GLDC: variants seen among roughly 807,000 people sequenced by gnomAD.
The protein encoded by GLDC is glycine decarboxylase.
In GLDC, 104 loss-of-function variants were observed where a neutral mutation model predicts 121.3. That is an observed-to-expected ratio of 0.86 (90% confidence interval 0.73 to 1.01). GLDC has a LOEUF of 1.01. Ranked by LOEUF, GLDC falls within the 50% of genes least tolerant of loss-of-function variation. The pLI is 0.00. For synonymous variants in GLDC, 546 were observed against 480.6 expected (o/e 1.14, Z -1.78); for missense variants, 1,429 against 1,306.6 (o/e 1.09, Z -1.44).
Position 6,610,183 on chromosome 9 carries a change from G to C in GLDC, c.635+9C>G. ...AACTGGAATTCCAGCACTTTGAGAG[G>C]CCTCTCACCTGTAGCACAGCTGCAG... On this transcript the variant is annotated intron_variant, in intron 4 of 24. Coordinates refer to ENST00000321612, the MANE Select transcript of GLDC (RefSeq NM_000170.3). 1 of 1,603,668 alleles carries C rather than the reference G, an allele frequency of 6.2e-7. No individual in the cohort carries two copies. Among genetic ancestry groups the C allele is most frequent in the Non-Finnish European group, 8.5e-7 (1 of 1,174,294 alleles).
At chr9:6,606,902 G>A (rs147051175) in intron 4 of GLDC, among the ~76,000 whole-genome samples, 6 of 151,500 alleles carry the variant, frequency 4.0e-5, no homozygotes, top group African/African-American at 9.7e-5. Context: ...ATAAAACCTC[G>A]TCTCTACTAA....
chr9:6,564,207 C>G (rs1817811333), intron 16 of GLDC, among the ~76,000 whole-genome samples: 1 of 150,312 alleles, frequency 6.7e-6, no homozygotes, highest in Non-Finnish European at 1.5e-5. Flanking sequence ...GAGATTGGGC[C>G]ATTGCACTCC....
chr9:6,588,295 C>G, intron 14 of GLDC, 106 bp downstream of exon 14: 3 of 830,854 alleles, frequency 3.6e-6, no homozygotes, highest in Non-Finnish European at 6.5e-6. Context: ...AATAGTTCTT[C>G]AATCACAGAA....
intron 8 of GLDC, among the ~76,000 whole-genome samples, chr9:6,597,880 A>G (rs1423243555): frequency 1.3e-5 from 2 of 152,036 alleles, no homozygotes; most frequent in Non-Finnish European, 2.9e-5. Flanking sequence ...AGCTTCAGTG[A>G]GCGAGATGGC....
At chr9:6,644,029 C>CAAAAAAAAAAAAAAAAAAAAAAAAAAA (rs531081758) in intron 2 of GLDC, among the ~76,000 whole-genome samples, 3 of 18,334 alleles carry the variant, frequency 1.6e-4, no homozygotes, top group Non-Finnish European at 3.0e-4. Flanking sequence ...GATTCTGTCT[C>CAAAAAAAAAAAAAAAAAAAAAAAAAAA]AAAAAAAAAA....
chr9:6,570,183 C>A (rs1418443640), intron 15 of GLDC, among the ~76,000 whole-genome samples: 1 of 152,188 alleles, frequency 6.6e-6, no homozygotes, highest in Non-Finnish European at 1.5e-5. Context: ...GTCACCAAAA[C>A]TCCCACTGAA....
chr9:6,632,877 G>C (rs1819416919), intron 2 of GLDC, among the ~76,000 whole-genome samples: 1 of 152,122 alleles, frequency 6.6e-6, no homozygotes, highest in Non-Finnish European at 1.5e-5. Flanking sequence ...GTGGGGTGGA[G>C]GACACTCAAA....
chr9:6,555,317 C>CA (rs766418897), intron 18 of GLDC, among the ~76,000 whole-genome samples: 7 of 152,200 alleles, frequency 4.6e-5, no homozygotes, highest in Non-Finnish European at 8.8e-5. Flanking sequence ...AGATACCAGG[C>CA]ATGCCATCCC....
intron 15 of GLDC, among the ~76,000 whole-genome samples, chr9:6,578,172 G>T (rs1563844852): frequency 6.6e-6 from 1 of 152,008 alleles, no homozygotes; most frequent in Non-Finnish European, 1.5e-5. Flanking sequence ...ACAGGCTGGG[G>T]TGCAATGGTG....
intron 1 of GLDC, 56 bp downstream of exon 1, chr9:6,645,189 G>A (rs944997559): frequency 1.3e-5 from 20 of 1,498,390 alleles, no homozygotes; most frequent in Admixed American, 2.1e-5. Flanking sequence ...GGCCGCGCAG[G>A]CAGAGCCCGG....
chr9:6,617,274 C>T (rs1194329988), intron 3 of GLDC, among the ~76,000 whole-genome samples: 1 of 152,126 alleles, frequency 6.6e-6, no homozygotes, highest in South Asian at 2.1e-4. Context: ...TAAAATGCAC[C>T]TGAAAAGTAA....
chr9:6,555,194 A>G (rs114667156), intron 18 of GLDC, among the ~76,000 whole-genome samples: 3,053 of 152,264 alleles, frequency 0.02, 85 homozygotes, highest in African/African-American at 0.07. Flanking sequence ...AGTATGATGC[A>G]CGTTACCGAA....
At chr9:6,596,440 C>A (rs1468040277) in intron 8 of GLDC, among the ~76,000 whole-genome samples, 4 of 151,998 alleles carry the variant, frequency 2.6e-5, no homozygotes, top group Non-Finnish European at 4.4e-5. Flanking sequence ...ACAAATTGAA[C>A]AAACTTAAAA....
intron 8 of GLDC, among the ~76,000 whole-genome samples, chr9:6,597,490 G>A (rs1052130820): frequency 6.6e-6 from 1 of 152,168 alleles, no homozygotes; most frequent in African/African-American, 2.4e-5. Context: ...CAACACTTTG[G>A]GAGGCTGAGG....
At chr9:6,564,643 G>A (rs1817819414) in intron 16 of GLDC, among the ~76,000 whole-genome samples, 2 of 152,204 alleles carry the variant, frequency 1.3e-5, no homozygotes. Flanking sequence ...CATAGCACTG[G>A]CCATCAAAAT....
rs564249581 is a variant in GLDC at position 6,556,501 on chromosome 9, A to G, written c.2053-199T>C. 1.5e-3 allele frequency among the ~76,000 whole-genome samples: 230 copies of G among 152,348 alleles called. 1 individual carries two copies. The highest frequency in any genetic ancestry group is 2.9e-3 in the Non-Finnish European group (195 of 68,016). Reference sequence around the variant, plus strand: ...CTTCACAAATCATTCCAAAGAAATAATAAGATCCTGGCTGGGTGTGGTGGC... The same window carrying G: ...CTTCACAAATCATTCCAAAGAAATAGTAAGATCCTGGCTGGGTGTGGTGGC... On this transcript the variant is annotated intron_variant, in intron 17 of 24. Coordinates refer to ENST00000321612, the MANE Select transcript of GLDC (RefSeq NM_000170.3).
intron 2 of GLDC, among the ~76,000 whole-genome samples, chr9:6,627,355 G>A (rs1399056397): frequency 6.7e-6 from 1 of 149,790 alleles, no homozygotes; most frequent in Non-Finnish European, 1.5e-5. Context: ...TTAATTATCT[G>A]TAAGACCCAG....
At chr9:6,617,304 A>T (rs1232923101) in intron 3 of GLDC, among the ~76,000 whole-genome samples, 1 of 152,172 alleles carries the variant, frequency 6.6e-6, no homozygotes, top group Admixed American at 6.5e-5. Flanking sequence ...ACAGGACAAC[A>T]TCATCTCCTT....
intron 4 of GLDC, among the ~76,000 whole-genome samples, chr9:6,607,507 G>T (rs56779624): frequency 1.8e-4 from 28 of 152,150 alleles, no homozygotes; most frequent in Non-Finnish European, 3.5e-4. Flanking sequence ...GCTTGAACCC[G>T]GGAGGCAGAG....
Sources: allele counts gnomAD v4.1 joint callset (sites outside exome capture counted in the v4.1 genomes callset), GRCh38; gene constraint gnomAD v4.1.1; transcripts MANE v1.5; gene names NCBI Gene and HGNC (gene_info 2026-07-23, HGNC 2026-07-21).